Variants in PGGT1B observed in about 807,000 individuals in gnomAD.
PGGT1B encodes geranylgeranyl transferase type-1 subunit beta.
Under a neutral mutation model 46.1 loss-of-function variants are expected in PGGT1B, and 30 were observed. The observed-to-expected ratio is 0.65, with a 90% CI of 0.49 to 0.88. The LOEUF is 0.88. Among genes scored for constraint, PGGT1B ranks in the 40% least tolerant of loss-of-function variants. PGGT1B has a pLI of 0.00. For missense variants in PGGT1B, 376 were observed against 455.9 expected, an observed-to-expected ratio of 0.82 and a Z score of 1.60; for synonymous variants, 170 against 160.0, an observed-to-expected ratio of 1.06 and a Z score of -0.47.
At position 115,219,617 on chromosome 5, in the gene PGGT1B, CTT is replaced by C. The variant is rs1410378033; in HGVS notation, c.843+2205_843+2206del. On this transcript the variant is annotated intron_variant, in intron 7 of 8. Coordinates refer to ENST00000419445, the MANE Select transcript of PGGT1B (RefSeq NM_005023.4). Reference sequence around the variant, plus strand: ...GATAAAATTGTACTGCATCAAAAAACTTTTGTGCGTTAAAGGACACCATCAAC... The same window carrying C: ...GATAAAATTGTACTGCATCAAAAAACTTGTGCGTTAAAGGACACCATCAAC... 2.6e-5 allele frequency among the ~76,000 whole-genome samples: 4 copies of C among 151,754 alleles called. No individual in the cohort carries two copies. In the East Asian group the frequency reaches 7.7e-4, roughly 29 times the overall value.
intron 7 of PGGT1B, among the ~76,000 whole-genome samples, chr5:115,221,197 A>G (rs145075585): frequency 6.6e-6 from 1 of 151,876 alleles, no homozygotes; most frequent in African/African-American, 2.4e-5. Context: ...CTCCTGTTAC[A>G]TGGCAGAATA....
intron 1 of PGGT1B, 86 bp from the exon 2 acceptor site, chr5:115,253,341 A>G: frequency 9.0e-7 from 1 of 1,113,944 alleles, no homozygotes; most frequent in Non-Finnish European, 1.2e-6. Context: ...TAATAAAATC[A>G]TTCTAATTTT....
At chr5:115,249,663 C>A (rs155573) in intron 2 of PGGT1B, among the ~76,000 whole-genome samples, 6 of 151,822 alleles carry the variant, frequency 4.0e-5, no homozygotes, top group Non-Finnish European at 8.8e-5. Flanking sequence ...GTGGGGCAGG[C>A]GATTGAAAAA....
At chr5:115,221,779 A>G (rs553018029) in intron 7 of PGGT1B, 45 bp downstream of exon 7, 1 of 1,244,670 alleles carries the variant, frequency 8.0e-7, no homozygotes, top group Admixed American at 2.3e-5. Context: ...CACAATCTAT[A>G]TGAACACAGA....
chr5:115,213,365 T>C (rs2126985867), intron 8 of PGGT1B, among the ~76,000 whole-genome samples: 1 of 152,342 alleles, frequency 6.6e-6, no homozygotes, highest in East Asian at 1.9e-4. Flanking sequence ...TGTAGACTTC[T>C]GAAGAGCTCA....
chr5:115,254,779 A>T (rs1019607192), intron 1 of PGGT1B, among the ~76,000 whole-genome samples: 1 of 152,128 alleles, frequency 6.6e-6, no homozygotes, highest in Non-Finnish European at 1.5e-5. Flanking sequence ...TTTGGGAAAC[A>T]TCCTATTGAG....
At chr5:115,256,551 G>C (rs1748322673) in intron 1 of PGGT1B, among the ~76,000 whole-genome samples, 1 of 152,136 alleles carries the variant, frequency 6.6e-6, no homozygotes, top group Non-Finnish European at 1.5e-5. Context: ...TATGGTGAAT[G>C]GCTTATGTTT....
At chr5:115,245,923 T>G (rs1747812723) in intron 2 of PGGT1B, among the ~76,000 whole-genome samples, 1 of 152,230 alleles carries the variant, frequency 6.6e-6, no homozygotes, top group Admixed American at 6.5e-5. Context: ...CTGTTTCTTA[T>G]GAAAAGCTAT....
rs1259392482 is a variant in PGGT1B at position 115,208,743 on chromosome 5, T to C, written c.*3659A>G. The C allele has an allele frequency of 1.3e-5, 2 of 152,058 alleles. No homozygotes were observed. Among genetic ancestry groups the C allele is most frequent in the Non-Finnish European group, 2.9e-5 (2 of 67,966 alleles). The allele number at this position is 152,058 out of a possible 1,614,324, so 9.4% of individuals were successfully genotyped here. ...TTTTTGCTTTTATTAATTCCTTCCT[T>C]CTGCTTTATTTTGCTTTTTACTCCA... On this transcript the variant is annotated 3_prime_UTR_variant, in exon 9 of 9. Coordinates refer to ENST00000419445, the MANE Select transcript of PGGT1B (RefSeq NM_005023.4).
At chr5:115,212,684 G>A in intron 8 of PGGT1B, 101 bp from the exon 9 acceptor site, 2 of 751,302 alleles carry the variant, frequency 2.7e-6, no homozygotes, top group Non-Finnish European at 4.2e-6. Flanking sequence ...TCCATTAAAA[G>A]TAAGTTTAGA....
At chr5:115,217,628 G>A (rs959134466) in intron 7 of PGGT1B, among the ~76,000 whole-genome samples, 2 of 151,938 alleles carry the variant, frequency 1.3e-5, no homozygotes, top group Non-Finnish European at 2.9e-5. Flanking sequence ...GAGGGTTCAA[G>A]ACATTTCTGA....
intron 7 of PGGT1B, among the ~76,000 whole-genome samples, chr5:115,221,366 A>G (rs1756581774): frequency 6.6e-6 from 1 of 151,974 alleles, no homozygotes; most frequent in Non-Finnish European, 1.5e-5. Flanking sequence ...GAGTTTCAGA[A>G]GGTTTAAACA....
chr5:115,223,576 G>A (rs536614190), intron 6 of PGGT1B, among the ~76,000 whole-genome samples: 33 of 152,244 alleles, frequency 2.2e-4, no homozygotes, highest in South Asian at 1.7e-3. Context: ...GAAAGGAGCC[G>A]GCCCTGCTGA....
chr5:115,228,099 AGAG>A (rs1756850971), intron 6 of PGGT1B, among the ~76,000 whole-genome samples: 1 of 152,240 alleles, frequency 6.6e-6, no homozygotes, highest in Admixed American at 6.5e-5. Context: ...AACAGGCTGA[AGAG>A]GAGAATGACA....
At chr5:115,246,275 G>A (rs1747827822) in intron 2 of PGGT1B, among the ~76,000 whole-genome samples, 1 of 151,428 alleles carries the variant, frequency 6.6e-6, no homozygotes, top group African/African-American at 2.4e-5. Flanking sequence ...AGAATTGCTT[G>A]AACCCGGGAG....
chr5:115,241,642 C>G (rs1757347891), intron 2 of PGGT1B, 36 bp from the exon 3 acceptor site: 1 of 1,493,502 alleles, frequency 6.7e-7, no homozygotes, highest in Non-Finnish European at 9.2e-7. Flanking sequence ...TTAAAGTACA[C>G]TTTATTTTTG....
intron 4 of PGGT1B, among the ~76,000 whole-genome samples, chr5:115,236,749 T>A (rs265443): frequency 0.11 from 16,067 of 152,144 alleles, 1,013 homozygotes; most frequent in Middle Eastern, 0.19. Flanking sequence ...ACTTTTGACT[T>A]CTTGGTATTT....
chr5:115,217,306 T>G (rs1756451152), intron 7 of PGGT1B, among the ~76,000 whole-genome samples: 1 of 149,698 alleles, frequency 6.7e-6, no homozygotes, highest in Non-Finnish European at 1.5e-5. Context: ...CTACCCATAT[T>G]TTAACTCTTA....
intron 7 of PGGT1B, among the ~76,000 whole-genome samples, chr5:115,220,469 G>A (rs1039328432): frequency 1.3e-5 from 2 of 151,792 alleles, no homozygotes; most frequent in Non-Finnish European, 3.0e-5. Flanking sequence ...GGGAATTACT[G>A]TTTAATGTAT....
Sources: gnomAD v4.1 joint callset for allele counts (sites outside exome capture counted in the v4.1 genomes callset) on GRCh38, gnomAD v4.1.1 for gene constraint, MANE v1.5 for transcripts, NCBI Gene and HGNC (gene_info 2026-07-23, HGNC 2026-07-21) for gene names.